The following ZFAT variants were observed in gnomAD, a reference collection of about 807,000 sequenced individuals.
The protein encoded by ZFAT is zinc finger and AT-hook domain containing, also known as zinc finger protein ZFAT.
In ZFAT, 64 loss-of-function variants were observed where a neutral mutation model predicts 117.7. The observed-to-expected ratio is 0.54, with a 90% CI of 0.44 to 0.67. The LOEUF is 0.67. ZFAT is among the 30% of genes least tolerant of loss of function. ZFAT has a pLI of 0.00. For missense variants in ZFAT, 1,433 were observed against 1,584.5 expected, an observed-to-expected ratio of 0.90 and a Z score of 1.62; for synonymous variants, 679 against 615.0, an observed-to-expected ratio of 1.10 and a Z score of -1.54.
chr8:134,540,212 G>T (rs570141445), intron 11 of ZFAT, among the ~76,000 whole-genome samples: 1 of 152,336 alleles, frequency 6.6e-6, no homozygotes, highest in Admixed American at 6.5e-5. Context: ...GCAGCCAAAA[G>T]GAGATGGGCT....
chr8:134,742,288 C>A, the ZFAT span, among the ~76,000 whole-genome samples: 1 of 151,868 alleles, frequency 6.6e-6, no homozygotes, highest in Admixed American at 6.6e-5. Context: ...TAGGTTATAT[C>A]AAGCTTTATT....
rs144664674 is a variant in ZFAT at position 134,705,615 on chromosome 8, T to C, written c.19+7230A>G. ...TGCAATTTCAGCTCACTGCAACCTCTACTCCCAGGTTCAAGCGATTCTCAT... is the reference window on the plus strand; with the variant it reads ...TGCAATTTCAGCTCACTGCAACCTCCACTCCCAGGTTCAAGCGATTCTCAT... On this transcript the variant is annotated intron_variant, in intron 1 of 15. Transcript: ENST00000377838. 9.6e-4 allele frequency among the ~76,000 whole-genome samples: 145 copies of C among 151,730 alleles called. 4 individuals carry two copies. In the East Asian group the frequency reaches 0.026, roughly 27 times the overall value.
intron 15 of ZFAT, among the ~76,000 whole-genome samples, chr8:134,494,098 C>T (rs925545705): frequency 1.3e-5 from 2 of 152,176 alleles, no homozygotes; most frequent in Non-Finnish European, 2.9e-5. Context: ...CGTGGCAGCT[C>T]TACAGCATTG....
chr8:134,795,270 T>C, the ZFAT span: 10 of 152,166 alleles, frequency 6.6e-5, no homozygotes, highest in African/African-American at 2.4e-4. Context: ...CATGATGAGA[T>C]GGTTGGAGCT....
chr8:134,771,720 A>T, the ZFAT span, among the ~76,000 whole-genome samples: 1 of 152,224 alleles, frequency 6.6e-6, no homozygotes, highest in Non-Finnish European at 1.5e-5. Context: ...TCAGGTATCT[A>T]CAGCAGCTCC....
chr8:134,781,360 C>T, the ZFAT span, among the ~76,000 whole-genome samples: 4 of 152,052 alleles, frequency 2.6e-5, no homozygotes, highest in South Asian at 8.3e-4. Flanking sequence ...GAAATCTAAG[C>T]TCAGTTGAGA....
Position 134,512,496 on chromosome 8 carries a change from G to C in ZFAT, c.3340C>G (p.Leu1114Val). The change falls in exon 14 of 16, where the codon CTG (leucine) becomes GTG (valine). Residue 1114 changes from leucine to valine, a missense_variant. Leu to Val is a conservative substitution (Grantham distance 32). Transcript: ENST00000377838. ...TQAAVAALQDLRYTSESGDRL... is the reference protein window; with the variant it reads ...TQAAVAALQDVRYTSESGDRL... ...TCACCACTCTCAGAGGTGTATCTCA[G>C]GTCCTGGAGCGCGGCCACCGCTGCC... 1 of 1,614,000 alleles carries C rather than the reference G, an allele frequency of 6.2e-7. No individual in the cohort carries two copies. The highest frequency in any genetic ancestry group is 1.7e-5 in the Admixed American group (1 of 60,020).
chr8:134,572,237 G>A (rs551403126), intron 10 of ZFAT, among the ~76,000 whole-genome samples: 6 of 152,342 alleles, frequency 3.9e-5, no homozygotes, highest in Admixed American at 6.5e-5. Flanking sequence ...CATTCCATAT[G>A]AGCATGAATA....
chr8:134,562,045 G>C (rs895740507), intron 11 of ZFAT, among the ~76,000 whole-genome samples: 4 of 152,106 alleles, frequency 2.6e-5, no homozygotes, highest in Non-Finnish European at 5.9e-5. Flanking sequence ...CATTGTTGTG[G>C]GTTATCTCAG....
chr8:134,670,445 A>G (rs1226282886), intron 1 of ZFAT, among the ~76,000 whole-genome samples: 1 of 152,288 alleles, frequency 6.6e-6, no homozygotes, highest in Non-Finnish European at 1.5e-5. Flanking sequence ...AGGATTAAGA[A>G]ACTCAATCAA....
At chr8:134,673,908 T>C (rs970361556) in intron 1 of ZFAT, among the ~76,000 whole-genome samples, 1 of 152,008 alleles carries the variant, frequency 6.6e-6, no homozygotes, top group Non-Finnish European at 1.5e-5. Context: ...AGGTCAAGAG[T>C]TCGAGACCAG....
Position 134,504,620 on chromosome 8 carries a change from C to T in ZFAT, c.3492+4999G>A, listed in dbSNP as rs1020112720. ...CCAAGAAATTGTCATTTGTTAAAAA[C>T]GCCAACATGACTTCAAGAGGGTAAC... is the stretch of plus-strand genomic sequence containing the variant. On this transcript the variant is annotated intron_variant, in intron 15 of 15. Coordinates refer to ENST00000377838, the MANE Select transcript of ZFAT (RefSeq NM_020863.4). 4.6e-5 allele frequency among the ~76,000 whole-genome samples: 7 copies of T among 152,160 alleles called. 1 individual carries two copies. Among genetic ancestry groups the T allele is most frequent in the South Asian group, 4.1e-4 (2 of 4,828 alleles).
At chr8:134,791,035 T>C in the ZFAT span, among the ~76,000 whole-genome samples, 4 of 152,196 alleles carry the variant, frequency 2.6e-5, no homozygotes, top group Non-Finnish European at 5.9e-5. Flanking sequence ...CGTCTGAATA[T>C]ATGCCAATTC....
intron 11 of ZFAT, among the ~76,000 whole-genome samples, chr8:134,552,368 G>A (rs544307278): frequency 6.6e-6 from 1 of 152,298 alleles, no homozygotes; most frequent in South Asian, 2.1e-4. Flanking sequence ...ATGTCAAATT[G>A]TGGTATCATG....
intron 15 of ZFAT, among the ~76,000 whole-genome samples, chr8:134,481,752 G>A (rs997913266): frequency 4.6e-5 from 7 of 152,212 alleles, no homozygotes; most frequent in Non-Finnish European, 7.3e-5. Flanking sequence ...CATAGACGCC[G>A]CAGAGGAGGC....
intron 3 of ZFAT, among the ~76,000 whole-genome samples, chr8:134,626,757 G>T (rs564552296): frequency 3.3e-5 from 5 of 152,264 alleles, no homozygotes; most frequent in Admixed American, 6.5e-5. Flanking sequence ...TGGGCTCAAG[G>T]CTCTGGGGCC....
At chr8:134,573,026 T>G (rs1825039899) in intron 10 of ZFAT, among the ~76,000 whole-genome samples, 1 of 152,092 alleles carries the variant, frequency 6.6e-6, no homozygotes, top group African/African-American at 2.4e-5. Flanking sequence ...CTCTATGAAG[T>G]TCAAAGACAG....
chr8:134,805,248 A>AGTTTTCTTCT, the ZFAT span, among the ~76,000 whole-genome samples: 45,590 of 151,724 alleles, frequency 0.3, 7,422 homozygotes, highest in African/African-American at 0.42. Context: ...TGCAAAAATA[A>AGTTTTCTTCT]GTTTTCTTCT....
In ZFAT at chr8:134,509,645, G is replaced by T; in HGVS notation, c.3466C>A (p.Pro1156Thr). The T allele has an allele frequency of 6.2e-7, 1 of 1,613,026 alleles. No homozygotes were observed. The highest frequency in any genetic ancestry group is 8.5e-7 in the Non-Finnish European group (1 of 1,179,688). The change falls in exon 15 of 16, where the codon CCA becomes ACA. Residue 1156 changes from proline to threonine, a missense_variant. Pro to Thr is a conservative substitution (Grantham distance 38, BLOSUM62 -1). This residue lies in a region of ZFAT where 503 missense variants were observed against 543.4 expected (regional missense o/e 0.93). Transcript: ENST00000377838. The stretch of plus-strand genomic sequence containing the variant: ...TGCTTAACCACAGTCACCGTCCCTG[G>T]TGCCATGGCAACCACCGAGGCAAGG... Reference protein sequence around the residue: ...TALASVVAMAPGTVTVVKQVT... With the variant: ...TALASVVAMATGTVTVVKQVT...
Sources: allele counts gnomAD v4.1 joint callset (sites outside exome capture counted in the v4.1 genomes callset), GRCh38; gene constraint gnomAD v4.1.1; regional missense constraint gnomAD v4.1.1; transcripts MANE v1.5; gene names NCBI Gene and HGNC (gene_info 2026-07-23, HGNC 2026-07-21).